The following LRRC56 variants were observed in gnomAD, a reference collection of about 807,000 sequenced individuals.
LRRC56 encodes leucine-rich repeat-containing protein 56.
LRRC56 carries 41 observed loss-of-function variants against 47.8 expected under a neutral mutation model. That is an observed-to-expected ratio of 0.86 (90% CI 0.67 to 1.11). The LOEUF is 1.11. Among genes scored for constraint, LRRC56 ranks in the 50% most tolerant of loss-of-function variants. LRRC56 has a pLI of 0.00. For synonymous variants in LRRC56, 387 were observed against 311.2 expected (o/e 1.24, Z -2.56); for missense variants, 759 against 704.2 (o/e 1.08, Z -0.88).
intron 6 of LRRC56, among the ~76,000 whole-genome samples, chr11:547,321 T>TC (rs1176705785): frequency 2.6e-5 from 4 of 151,744 alleles, no homozygotes; most frequent in African/African-American, 9.7e-5. Context: ...CTGTACTTTT[T>TC]TTTTTAGCTT....
intron 6 of LRRC56, among the ~76,000 whole-genome samples, chr11:547,415 G>C (rs112951315): frequency 4.0e-5 from 6 of 151,062 alleles, no homozygotes; most frequent in African/African-American, 1.5e-4. Flanking sequence ...GTGCAGTGGC[G>C]CAATCTCGGC....
At position 541,519 on chromosome 11, in the gene LRRC56, C is replaced by T. The variant is rs757806474; in HGVS notation, c.178-18C>T. 5.3e-6 allele frequency: 8 copies of T among 1,501,248 alleles called. No homozygotes were observed. The African/African-American group carries it at 9.9e-5, about 19-fold the overall frequency. 93.0% of individuals were successfully genotyped at this position (1,501,248 alleles called of 1,614,324 possible). On this transcript the variant is annotated intron_variant, in intron 4 of 13. Coordinates refer to ENST00000270115, the MANE Select transcript of LRRC56 (RefSeq NM_198075.4). This position sits in a 1 kb window ranked among gnomAD's most constrained non-coding sequence, Gnocchi z 4.1. ...GGGAGAGCCAGGACCAGCGCTGACC[C>T]CCGGTTGGTTTCTACAGCAGGCCCT...
At chr11:515,472 CAA>C in the LRRC56 span, among the ~76,000 whole-genome samples, 4 of 152,156 alleles carry the variant, frequency 2.6e-5, no homozygotes, top group Admixed American at 2.6e-4. Context: ...TTCTCTAACC[CAA>C]GTCACACTGA....
chr11:531,749 G>A, the LRRC56 span, among the ~76,000 whole-genome samples: 12 of 152,226 alleles, frequency 7.9e-5, no homozygotes, highest in South Asian at 2.1e-4. Flanking sequence ...CGGTGCTGGA[G>A]CCCTACTTCC....
Position 552,609 on chromosome 11 carries a change from G to A in LRRC56, c.1222G>A (p.Ala408Thr). The A allele has an allele frequency of 1.2e-6, 2 of 1,609,664 alleles. No homozygotes were observed. The highest frequency in any genetic ancestry group is 2.2e-5 in the South Asian group (2 of 90,772). ...GCACCCGGAGTCCCAACAGGAAGGG[G>A]CTGTAGCCCCCTGGGGCCCACGGAG... ...YRHPESQQEG[A>T]VAPWGPRRVP... Residue 408 changes from alanine (A) to threonine (T), a missense_variant, in exon 13 of 14, where the codon GCT becomes ACT. Ala to Thr is a moderately conservative substitution (Grantham distance 58). Transcript: ENST00000270115.
At chr11:517,247 T>C in the LRRC56 span, among the ~76,000 whole-genome samples, 1 of 152,214 alleles carries the variant, frequency 6.6e-6, no homozygotes, top group Non-Finnish European at 1.5e-5. Flanking sequence ...GTGCTAAGAT[T>C]ACAGCCTCTG....
the LRRC56 span, among the ~76,000 whole-genome samples, chr11:527,767 C>T: frequency 6.8e-6 from 1 of 147,320 alleles, no homozygotes; most frequent in Non-Finnish European, 1.5e-5. Context: ...ATTCCGCGAT[C>T]TCGGCTCACC....
chr11:515,118 A>G, the LRRC56 span, among the ~76,000 whole-genome samples: 1 of 152,192 alleles, frequency 6.6e-6, no homozygotes, highest in Non-Finnish European at 1.5e-5. Context: ...ATGTCCCAAG[A>G]AGACCCACAA....
In LRRC56 at chr11:551,937, G is replaced by A. The variant is rs1564807470; in HGVS notation, c.1008G>A (p.Lys336=). 1.9e-6 allele frequency: 3 copies of A among 1,612,608 alleles called. No homozygotes were observed. Among genetic ancestry groups the A allele is most frequent in the Non-Finnish European group, 1.7e-6 (2 of 1,179,838 alleles). Residue 336 remains lysine, a synonymous_variant, in exon 11 of 14, where the codon AAG becomes AAA. Coordinates refer to ENST00000270115, the MANE Select transcript of LRRC56 (RefSeq NM_198075.4). Reference sequence around the variant, plus strand: ...AAGTCCTCTGTGGGAACCCCACCAAGGGCCTGCGGGAGCGTAGGCACCAGT... The same window carrying A: ...AAGTCCTCTGTGGGAACCCCACCAAAGGCCTGCGGGAGCGTAGGCACCAGT... ...AGQVLCGNPT[K]GLRERRHQCQ... is the part of the protein sequence containing the mutation.
the LRRC56 span, among the ~76,000 whole-genome samples, chr11:511,027 A>G: frequency 7.9e-5 from 12 of 152,126 alleles, no homozygotes; most frequent in Admixed American, 3.9e-4. Context: ...AGCACGTGAA[A>G]TGGGAAAACA....
At chr11:518,623 G>A in the LRRC56 span, among the ~76,000 whole-genome samples, 1 of 152,062 alleles carries the variant, frequency 6.6e-6, no homozygotes, top group African/African-American at 2.4e-5. Flanking sequence ...CTGCCCGGCC[G>A]CCTGTTCACT....
chr11:538,421 G>A (rs2134013606), intron 1 of LRRC56, among the ~76,000 whole-genome samples, 177 bp from the exon 2 acceptor site: 1 of 152,228 alleles, frequency 6.6e-6, no homozygotes, highest in Non-Finnish European at 1.5e-5. Flanking sequence ...CCTTGCACTG[G>A]CTGGAGAAAG....
chr11:522,415 G>A, the LRRC56 span, among the ~76,000 whole-genome samples: 1 of 152,122 alleles, frequency 6.6e-6, no homozygotes, highest in South Asian at 2.1e-4. Flanking sequence ...ACAGGCGGCC[G>A]CCACCACGCC....
chr11:546,816 G>C (rs1465667912), intron 6 of LRRC56, among the ~76,000 whole-genome samples: 1 of 152,092 alleles, frequency 6.6e-6, no homozygotes, highest in Non-Finnish European at 1.5e-5. Context: ...ACTTTGGGAG[G>C]CCAAGGCAGG....
rs1276296246 is a variant in LRRC56 at position 551,294 on chromosome 11, C to T, written c.788C>T (p.Pro263Leu). 1 of 1,522,546 alleles carries T rather than the reference C, an allele frequency of 6.6e-7. No individual in the cohort carries two copies. The highest frequency in any genetic ancestry group is 8.9e-7 in the Non-Finnish European group (1 of 1,126,572). 94.3% of individuals were successfully genotyped at this position (1,522,546 alleles called of 1,614,324 possible). ...GCCATCAAGAAGGGCAACGGCCTTCCCCCGCTGGGTACGGCAGCTGCGCCC... is the reference window on the plus strand; with the variant it reads ...GCCATCAAGAAGGGCAACGGCCTTCTCCCGCTGGGTACGGCAGCTGCGCCC... The part of the protein sequence containing the change: ...KEAIKKGNGL[P>L]PLDCPRGAPI... Residue 263 changes from proline to leucine, a missense_variant, in exon 9 of 14, where the codon CCC (proline) becomes CTC (leucine). By Grantham distance (98) the Pro-to-Leu change is moderately conservative. Transcript: ENST00000270115.
At chr11:518,769 CG>C in the LRRC56 span, among the ~76,000 whole-genome samples, 2 of 152,110 alleles carry the variant, frequency 1.3e-5, no homozygotes, top group Non-Finnish European at 2.9e-5. Flanking sequence ...CTGCCCACGA[CG>C]GGGCCGCCGG....
rs1851806467 is a variant in LRRC56, at chr11:541,756, C to T, written c.265+132C>T. On this transcript the variant is annotated intron_variant, in intron 5 of 13. Coordinates refer to ENST00000270115, the MANE Select transcript of LRRC56 (RefSeq NM_198075.4). This position sits in a 1 kb window ranked among gnomAD's most constrained non-coding sequence, Gnocchi z 4.1. ...GCGTATCGGCTTCCTTAGGGTTGGC[C>T]TCTGACCTGAGGTCTGTGTCAGGTA... 1.7e-6 allele frequency: 1 copy of T among 578,974 alleles called. No homozygotes were observed. Among genetic ancestry groups the T allele is most frequent in the Non-Finnish European group, 3.0e-6 (1 of 338,278 alleles). The allele number at this position is 578,974 out of a possible 1,614,324, so 35.9% of individuals were successfully genotyped here.
chr11:536,477 A>G (rs45604736), upstream of LRRC56, among the ~76,000 whole-genome samples: 4,684 of 152,338 alleles, frequency 0.031, 226 homozygotes, highest in East Asian at 0.14. Context: ...TCCTCATTAA[A>G]AAACAAAAAG....
upstream of LRRC56, chr11:532,568 G>A (rs187206591): frequency 2.7e-4 from 429 of 1,573,180 alleles, 1 homozygote; most frequent in East Asian, 9.0e-4. Context: ...CCAGGAGACC[G>A]GCAGGGGCGG....
Sources: allele counts gnomAD v4.1 joint callset (sites outside exome capture counted in the v4.1 genomes callset), GRCh38; gene constraint gnomAD v4.1.1; non-coding constraint Gnocchi (gnomAD v3.1); transcripts MANE v1.5; gene names NCBI Gene and HGNC (gene_info 2026-07-23, HGNC 2026-07-21).